The following ACBD5 variants were observed in gnomAD, a reference collection of about 807,000 sequenced individuals.
The protein encoded by ACBD5 is acyl-CoA binding domain containing 5.
ACBD5 carries 40 observed loss-of-function variants against 71.8 expected under a neutral mutation model. The ratio of observed to expected loss-of-function variants is 0.56; its 90% CI spans 0.43 to 0.72. ACBD5 has a LOEUF of 0.72. ACBD5 is among the 30% of genes least tolerant of loss of function. ACBD5 has a pLI of 0.00. For missense variants in ACBD5, 559 were observed against 644.5 expected (o/e 0.87, Z 1.44); for synonymous variants, 229 against 218.6 (o/e 1.05, Z -0.42).
chr10:27,198,937 G>A (rs1164950441), intron 12 of ACBD5, among the ~76,000 whole-genome samples: 2 of 151,804 alleles, frequency 1.3e-5, no homozygotes, highest in African/African-American at 2.4e-5. Context: ...GTGAAACCCC[G>A]TCTCTACTAA....
chr10:27,192,023 A>C (rs1288187548), downstream of ACBD5, among the ~76,000 whole-genome samples: 1 of 152,208 alleles, frequency 6.6e-6, no homozygotes, highest in East Asian at 1.9e-4. Context: ...ACTCCCCAAA[A>C]TACAAAAGAT....
At chr10:27,225,183 G>C (rs564750330) in intron 4 of ACBD5, among the ~76,000 whole-genome samples, 4 of 151,434 alleles carry the variant, frequency 2.6e-5, no homozygotes, top group African/African-American at 9.7e-5. Flanking sequence ...GGTTTGAGCA[G>C]TTCTCACCTT....
At chr10:27,204,605 T>C in intron 11 of ACBD5, 56 bp from the exon 12 acceptor site, 1 of 1,210,282 alleles carries the variant, frequency 8.3e-7, no homozygotes. Flanking sequence ...TGTATAAACT[T>C]AAAAACATAC....
downstream of ACBD5, among the ~76,000 whole-genome samples, chr10:27,193,026 A>C (rs1283675883): frequency 1.3e-5 from 2 of 150,884 alleles, no homozygotes; most frequent in Admixed American, 1.3e-4. Flanking sequence ...CAAGTGAGGA[A>C]ATTTCTCTAT....
At chr10:27,212,506 T>A (rs2061198678) in intron 8 of ACBD5, among the ~76,000 whole-genome samples, 1 of 151,946 alleles carries the variant, frequency 6.6e-6, no homozygotes, top group Non-Finnish European at 1.5e-5. Context: ...GAGTTTTTCA[T>A]CCTTTTCATT....
intron 12 of ACBD5, among the ~76,000 whole-genome samples, chr10:27,198,620 A>T (rs2059595521): frequency 6.6e-6 from 1 of 152,234 alleles, no homozygotes; most frequent in Non-Finnish European, 1.5e-5. Context: ...AGATCCCAGC[A>T]GCATAAAGAA....
At chr10:27,191,519 G>A (rs534287326), downstream of ACBD5, among the ~76,000 whole-genome samples, 6 of 152,202 alleles carry the variant, frequency 3.9e-5, no homozygotes, top group Admixed American at 3.3e-4. Flanking sequence ...CAGGTGGGGC[G>A]GGGGGAGAGG....
chr10:27,222,618 C>T (rs1305464805), intron 5 of ACBD5, among the ~76,000 whole-genome samples: 5 of 152,106 alleles, frequency 3.3e-5, no homozygotes, highest in East Asian at 1.9e-4. Flanking sequence ...TTGCTCAGGC[C>T]GGAGTGCAGC....
At chr10:27,209,090 A>C (rs1365610966) in intron 9 of ACBD5, among the ~76,000 whole-genome samples, 1 of 144,600 alleles carries the variant, frequency 6.9e-6, no homozygotes, top group Non-Finnish European at 1.6e-5. Context: ...AAATTCAAAG[A>C]CTTTTTTTTT....
intron 12 of ACBD5, among the ~76,000 whole-genome samples, chr10:27,198,169 C>T (rs1181861051): frequency 1.3e-5 from 2 of 152,310 alleles, no homozygotes; most frequent in Non-Finnish European, 2.9e-5. Context: ...ACTTTCCAGG[C>T]TCTGTGCCAG....
At chr10:27,224,385 AATAAAGGAAAC>A (rs1180963889) in intron 4 of ACBD5, among the ~76,000 whole-genome samples, 1 of 152,158 alleles carries the variant, frequency 6.6e-6, no homozygotes, top group Non-Finnish European at 1.5e-5. Flanking sequence ...TCTCCAAAAA[AATAAAGGAAAC>A]AAACAAAAAA....
chr10:27,221,277 G>A (rs773243276), intron 5 of ACBD5, among the ~76,000 whole-genome samples: 2 of 152,232 alleles, frequency 1.3e-5, no homozygotes, highest in South Asian at 4.1e-4. Flanking sequence ...TGTGATTTTT[G>A]CAGCAAAACA....
chr10:27,187,773 G>A (rs1219305606), intron 13 of ACBD5, among the ~76,000 whole-genome samples: 1 of 151,416 alleles, frequency 6.6e-6, no homozygotes, highest in Non-Finnish European at 1.5e-5. Flanking sequence ...AAATACTACT[G>A]GAACAATTAG....
chr10:27,225,359 G>A (rs1220689974), intron 4 of ACBD5, among the ~76,000 whole-genome samples: 1 of 152,136 alleles, frequency 6.6e-6, no homozygotes, highest in African/African-American at 2.4e-5. Context: ...GGTGGTCTAT[G>A]GTAGTCAGCA....
chr10:27,210,121 G>A (rs554811090), intron 9 of ACBD5, among the ~76,000 whole-genome samples: 1 of 152,296 alleles, frequency 6.6e-6, no homozygotes, highest in Non-Finnish European at 1.5e-5. Context: ...AGATACTATT[G>A]TGTTACCCTA....
rs2060253620 is a variant in ACBD5 at position 27,204,427 on chromosome 10, A to G, written c.1565+13T>C. The G allele has an allele frequency of 1.3e-6, 2 of 1,587,448 alleles. No homozygotes were observed. Among genetic ancestry groups the G allele is most frequent in the Non-Finnish European group, 1.7e-6 (2 of 1,156,136 alleles). On this transcript the variant is annotated intron_variant, in intron 12 of 12. Coordinates refer to ENST00000396271, the MANE Select transcript of ACBD5 (RefSeq NM_145698.5). ...GAGTTATACACCATTTCAAATGATG[A>G]AACTGGTCTTACCTTCTCCTTCTTT...
In ACBD5 at chr10:27,235,144, G is replaced by T. The variant is rs1466503372; in HGVS notation, c.250C>A (p.Pro84Thr). The change falls in exon 3 of 13, where the codon CCC becomes ACC. Residue 84 changes from proline to threonine, a missense_variant. Coordinates refer to ENST00000396271, the MANE Select transcript of ACBD5 (RefSeq NM_145698.5). The stretch of plus-strand genomic sequence containing the variant: ...AATCCAGGCCTTGAAAGTTTACAGG[G>T]TCCTTCAGTTGCCTGCTTATAGAAG... ...YSFYKQATEG[P>T]CKLSRPGFWD... The T allele has an allele frequency of 6.2e-7, 1 of 1,613,842 alleles. No homozygotes were observed.
intron 2 of ACBD5, among the ~76,000 whole-genome samples, chr10:27,238,361 A>G (rs919074927): frequency 2.0e-5 from 3 of 152,256 alleles, no homozygotes; most frequent in African/African-American, 7.2e-5. Flanking sequence ...AATAAGTGGT[A>G]CATAATGTCA....
At chr10:27,211,946 G>T (rs2061123869) in intron 8 of ACBD5, among the ~76,000 whole-genome samples, 1 of 152,044 alleles carries the variant, frequency 6.6e-6, no homozygotes, top group South Asian at 2.1e-4. Flanking sequence ...TGAAGAGGGA[G>T]GATGTACAAG....
Sources: allele counts gnomAD v4.1 joint callset (sites outside exome capture counted in the v4.1 genomes callset), GRCh38; gene constraint gnomAD v4.1.1; transcripts MANE v1.5; gene names NCBI Gene and HGNC (gene_info 2026-07-23, HGNC 2026-07-21).